Variants in ST18 observed in about 807,000 individuals in gnomAD.
ST18 encodes the protein ST18 C2H2C-type zinc finger transcription factor.
A neutral mutation model predicts 110.0 loss-of-function variants in ST18; 50 were observed. The ratio of observed to expected loss-of-function variants is 0.45; its 90% confidence interval spans 0.36 to 0.58. The LOEUF (loss-of-function observed/expected upper bound fraction) is 0.58, where lower values mean the gene tolerates loss of function less well. Among genes scored for constraint, ST18 ranks in the 20% least tolerant of loss-of-function variants. The pLI, the probability that ST18 is intolerant of heterozygous loss-of-function variation, is 0.00. For synonymous variants in ST18, 461 were observed against 452.4 expected (o/e 1.02, Z -0.24); for missense variants, 1,306 against 1,280.1 (o/e 1.02, Z -0.31).
At chr8:52,282,392 C>G (rs1309165590) in intron 2 of ST18, among the ~76,000 whole-genome samples, 1 of 152,148 alleles carries the variant, frequency 6.6e-6, no homozygotes, top group Non-Finnish European at 1.5e-5. Context: ...ATTAAAAATT[C>G]TAATCATGTA....
At chr8:52,179,865 C>T (rs929901396) in intron 9 of ST18, among the ~76,000 whole-genome samples, 2 of 152,126 alleles carry the variant, frequency 1.3e-5, no homozygotes, top group African/African-American at 4.8e-5. Flanking sequence ...CAAAAAGAGG[C>T]ATAGTTCAAT....
chr8:52,394,912 G>A (rs1840569669), intron 2 of ST18, among the ~76,000 whole-genome samples: 1 of 152,202 alleles, frequency 6.6e-6, no homozygotes, highest in South Asian at 2.1e-4. Flanking sequence ...TACTGATCAA[G>A]TGAAGGGGAA....
chr8:52,156,070 A>C (rs952510370), intron 15 of ST18, among the ~76,000 whole-genome samples: 1 of 152,162 alleles, frequency 6.6e-6, no homozygotes, highest in African/African-American at 2.4e-5. Context: ...CTGCAAAGCC[A>C]CCATGCCTGC....
In ST18 at chr8:52,116,374, G is replaced by C; in HGVS notation, c.2904C>G (p.Asn968Lys). 1 of 1,613,914 alleles carries C rather than the reference G, an allele frequency of 6.2e-7. No individual in the cohort carries two copies. The highest frequency in any genetic ancestry group is 1.1e-5 in the South Asian group (1 of 91,046). The stretch of plus-strand genomic sequence containing the variant: ...TTTCATTGTTCTGTTCTATGAGTTT[G>C]TTCTCCTCCTCTATCGTCTTTAAGT... ...ESNLKTIEEE[N>K]KLIEQNNESL... Residue 968 changes from asparagine to lysine, a missense_variant, in exon 25 of 26, where the codon AAC (asparagine) becomes AAG (lysine). Coordinates refer to ENST00000689386, the MANE Select transcript of ST18 (RefSeq NM_001352837.2).
chr8:52,354,134 A>G (rs1316276929), intron 2 of ST18, among the ~76,000 whole-genome samples: 1 of 152,256 alleles, frequency 6.6e-6, no homozygotes, highest in Non-Finnish European at 1.5e-5. Context: ...TTATGTGCTC[A>G]CCACTTGACC....
intron 2 of ST18, among the ~76,000 whole-genome samples, chr8:52,374,656 T>C: frequency 6.6e-6 from 1 of 152,058 alleles, no homozygotes; most frequent in East Asian, 1.9e-4. Context: ...CCAGCATCCA[T>C]TAGCTCTTTC....
chr8:52,359,307 C>A (rs767141289), intron 2 of ST18, among the ~76,000 whole-genome samples: 1 of 151,960 alleles, frequency 6.6e-6, no homozygotes, highest in Admixed American at 6.6e-5. Flanking sequence ...CTACTAAATG[C>A]CACTGAATTT....
chr8:52,347,529 A>AAG (rs1418029477), intron 2 of ST18, among the ~76,000 whole-genome samples: 5 of 152,200 alleles, frequency 3.3e-5, no homozygotes, highest in Non-Finnish European at 7.4e-5. Flanking sequence ...CATTGGGATG[A>AAG]AGAGAGAGGA....
rs569680014 is a variant in ST18, at chr8:52,172,845, T to TA, written c.278-263dup. 6.3e-3 allele frequency among the ~76,000 whole-genome samples: 954 copies of TA among 152,312 alleles called. 5 individuals are homozygous for TA. Among genetic ancestry groups the TA allele is most frequent in the Non-Finnish European group, 0.011 (729 of 68,010 alleles). ...AACTGTGTTAAAAGAAATGAGCTAT[T>TA]ATAATTTCCAACATGTTAAGAGGTA... On this transcript the variant is annotated intron_variant, in intron 9 of 25. Transcript: ENST00000689386.
At chr8:52,337,998 T>A (rs2140156110) in intron 2 of ST18, among the ~76,000 whole-genome samples, 1 of 152,354 alleles carries the variant, frequency 6.6e-6, no homozygotes, top group Admixed American at 6.5e-5. Context: ...AGATGGCATC[T>A]TTATGTAGGG....
At chr8:52,287,135 C>A (rs77270091) in intron 2 of ST18, among the ~76,000 whole-genome samples, 1 of 152,068 alleles carries the variant, frequency 6.6e-6, no homozygotes, top group African/African-American at 2.4e-5. Context: ...TTTCAGTAAG[C>A]CTTTTAAACA....
intron 11 of ST18, among the ~76,000 whole-genome samples, chr8:52,166,614 A>T (rs1026636969): frequency 6.6e-6 from 1 of 152,184 alleles, no homozygotes; most frequent in Admixed American, 6.5e-5. Flanking sequence ...TCCTCTGGAC[A>T]CTGTGAGGAA....
At chr8:52,189,076 C>T (rs1397456702) in intron 8 of ST18, among the ~76,000 whole-genome samples, 1 of 152,144 alleles carries the variant, frequency 6.6e-6, no homozygotes, top group Non-Finnish European at 1.5e-5. Context: ...AATTAGTCCC[C>T]TTCTCCCTGC....
intron 8 of ST18, among the ~76,000 whole-genome samples, chr8:52,208,206 G>A (rs188376155): frequency 4.6e-4 from 70 of 152,200 alleles, no homozygotes; most frequent in Non-Finnish European, 2.5e-4. Context: ...TAGTATTTTC[G>A]TAAGTAGTCG....
intron 5 of ST18, among the ~76,000 whole-genome samples, chr8:52,219,720 C>T (rs2085892567): frequency 6.6e-6 from 1 of 152,214 alleles, no homozygotes; most frequent in Non-Finnish European, 1.5e-5. Context: ...TGTGTAGGCA[C>T]ATTCCCCCCA....
At chr8:52,249,613 C>T (rs2094133536) in intron 2 of ST18, among the ~76,000 whole-genome samples, 1 of 151,988 alleles carries the variant, frequency 6.6e-6, no homozygotes, top group Non-Finnish European at 1.5e-5. Context: ...CAGTGACCCT[C>T]AAGGTTGCCG....
At chr8:52,184,769 C>T (rs2071324694) in intron 8 of ST18, among the ~76,000 whole-genome samples, 1 of 152,186 alleles carries the variant, frequency 6.6e-6, no homozygotes, top group Admixed American at 6.5e-5. Context: ...TCTGGGCACA[C>T]ATCCCCAAAA....
At chr8:52,226,608 C>G (rs547519493) in intron 3 of ST18, among the ~76,000 whole-genome samples, 3 of 152,230 alleles carry the variant, frequency 2.0e-5, no homozygotes, top group African/African-American at 7.2e-5. Flanking sequence ...TTCCTGGCTT[C>G]GAAAGAAATA....
intron 13 of ST18, among the ~76,000 whole-genome samples, chr8:52,162,584 T>C (rs2061748041): frequency 6.6e-6 from 1 of 152,242 alleles, no homozygotes; most frequent in Admixed American, 6.5e-5. Flanking sequence ...TCAATATGAA[T>C]CAAAATTACT....
Sources: gnomAD v4.1 joint callset for allele counts (sites outside exome capture counted in the v4.1 genomes callset) on GRCh38, gnomAD v4.1.1 for gene constraint, MANE v1.5 for transcripts, NCBI Gene and HGNC (gene_info 2026-07-23, HGNC 2026-07-21) for gene names.